ZFP91: variants seen among roughly 807,000 people sequenced by gnomAD.
The protein encoded by ZFP91 is E3 ubiquitin-protein ligase ZFP91.
ZFP91 carries 7 observed loss-of-function variants against 63.5 expected under a neutral mutation model. The ratio of observed to expected loss-of-function variants is 0.11; its 90% confidence interval spans 0.06 to 0.21. ZFP91 has a LOEUF of 0.21. ZFP91 is among the 10% of genes least tolerant of loss of function. ZFP91 has a pLI of 1.00. For missense variants in ZFP91, 628 were observed against 736.6 expected (o/e 0.85, Z 1.71); for synonymous variants, 330 against 272.1 (o/e 1.21, Z -2.10).
rs750256934 is a variant in ZFP91, at chr11:58,579,476, C to G, written c.195C>G (p.Ala65=). Residue 65 remains alanine, a synonymous_variant, in exon 1 of 11, where the codon GCC becomes GCG. Coordinates refer to ENST00000316059, the MANE Select transcript of ZFP91 (RefSeq NM_053023.5). ...DRGRAAAAAA[A]AAVSRRRKAE... is the part of the protein sequence containing the mutation. ...GCCGGGCCGCTGCGGCCGCCGCCGC[C>G]GCAGCTGTGTCCCGCCGGAGGAAGG... 3.3e-5 allele frequency: 49 copies of G among 1,494,900 alleles called. No individual in the cohort carries two copies. The highest frequency in any genetic ancestry group is 9.2e-5 in the Admixed American group (4 of 43,436). The allele number at this position is 1,494,900 out of a possible 1,614,324, so 92.6% of individuals were successfully genotyped here. A position where few individuals can be genotyped will look rare whatever the true frequency, so the allele number is the denominator to read the frequency against.
At chr11:58,613,562 G>A (rs549666506) in intron 8 of ZFP91, among the ~76,000 whole-genome samples, 3 of 152,278 alleles carry the variant, frequency 2.0e-5, no homozygotes, top group Admixed American at 6.5e-5. Context: ...AATTCCCAAT[G>A]TGGTGTAAAT....
chr11:58,593,924 C>T (rs1420306183), intron 2 of ZFP91, among the ~76,000 whole-genome samples: 2 of 152,188 alleles, frequency 1.3e-5, no homozygotes. Context: ...CTAAGTATTT[C>T]TTATATCTCT....
At chr11:58,589,179 C>T (rs1053998432) in intron 2 of ZFP91, among the ~76,000 whole-genome samples, 5 of 150,854 alleles carry the variant, frequency 3.3e-5, no homozygotes, top group Non-Finnish European at 7.4e-5. Context: ...TCAAGCCATC[C>T]TCCTGCCTCA....
intron 2 of ZFP91, among the ~76,000 whole-genome samples, chr11:58,587,281 A>G (rs540541078): frequency 2.0e-5 from 3 of 152,264 alleles, no homozygotes; most frequent in South Asian, 4.1e-4. Flanking sequence ...AGCATCCACT[A>G]TGTGTCTGGC....
intron 2 of ZFP91, among the ~76,000 whole-genome samples, chr11:58,600,117 A>T (rs1310059040): frequency 6.6e-6 from 1 of 152,094 alleles, no homozygotes; most frequent in Admixed American, 6.5e-5. Flanking sequence ...AATTGAGAAG[A>T]AAAAAGTGCG....
chr11:58,613,241 T>G (rs1855695706), intron 8 of ZFP91, among the ~76,000 whole-genome samples: 1 of 152,162 alleles, frequency 6.6e-6, no homozygotes, highest in South Asian at 2.1e-4. Context: ...AAAAGCATGG[T>G]GCCCACATCT....
chr11:58,592,053 C>T (rs909187009), intron 2 of ZFP91, among the ~76,000 whole-genome samples: 3 of 148,554 alleles, frequency 2.0e-5, no homozygotes, highest in African/African-American at 7.4e-5. Flanking sequence ...GATGCTCGAG[C>T]TGGGAATTTG....
chr11:58,582,945 A>T (rs1855144292), intron 1 of ZFP91, among the ~76,000 whole-genome samples: 1 of 152,186 alleles, frequency 6.6e-6, no homozygotes, highest in Non-Finnish European at 1.5e-5. Context: ...TAGTAGGAAA[A>T]ATAAACCAAA....
At chr11:58,597,748 T>A (rs909481102) in intron 2 of ZFP91, among the ~76,000 whole-genome samples, 2 of 152,172 alleles carry the variant, frequency 1.3e-5, no homozygotes, top group African/African-American at 4.8e-5. Flanking sequence ...ACAAATTTCC[T>A]TTTCTTCAAT....
At chr11:58,605,352 A>G (rs569646472) in intron 2 of ZFP91, among the ~76,000 whole-genome samples, 2 of 152,188 alleles carry the variant, frequency 1.3e-5, no homozygotes, top group Non-Finnish European at 2.9e-5. Flanking sequence ...ACAATATCAT[A>G]TTTTTGCCTC....
At chr11:58,614,114 A>G (rs1259389302) in intron 8 of ZFP91, 115 bp from the exon 9 acceptor site, 1 of 570,720 alleles carries the variant, frequency 1.8e-6, no homozygotes, top group South Asian at 2.7e-5. Context: ...CTCACTATCC[A>G]TGTGTGAAAT....
In ZFP91 at chr11:58,612,787, C is replaced by T. The variant is rs1855688198; in HGVS notation, c.934C>T (p.Arg312Cys). The T allele has an allele frequency of 6.2e-7, 1 of 1,611,384 alleles. No individual in the cohort carries two copies. Among genetic ancestry groups the T allele is most frequent in the Non-Finnish European group, 8.5e-7 (1 of 1,179,096 alleles). The change falls in exon 8 of 11, where the codon CGT (arginine) becomes TGT (cysteine). Residue 312 changes from arginine (R) to cysteine (C), a missense_variant. Physicochemically the swap from Arg to Cys is radical, Grantham distance 180. Transcript: ENST00000316059. ...AAAAAAGCCTCCAATCCAGTATGTC[C>T]GTTGTGAGATGGAAGGATGTGGAAC... is the stretch of plus-strand genomic sequence containing the variant. ...RRKKPPIQYV[R>C]CEMEGCGTVL...
intron 2 of ZFP91, among the ~76,000 whole-genome samples, chr11:58,595,099 C>T (rs963019117): frequency 6.6e-6 from 1 of 152,106 alleles, no homozygotes; most frequent in Non-Finnish European, 1.5e-5. Flanking sequence ...CTTAGATATA[C>T]CCGTGTTCAG....
intron 2 of ZFP91, among the ~76,000 whole-genome samples, chr11:58,608,207 C>CATATATATATAT (rs1380879869): frequency 6.6e-6 from 1 of 151,430 alleles, no homozygotes; most frequent in Non-Finnish European, 1.5e-5. Flanking sequence ...ATATATCTTA[C>CATATATATATAT]ATATATATCT....
intron 10 of ZFP91, 97 bp downstream of exon 10, chr11:58,616,912 T>A: frequency 8.7e-7 from 1 of 1,154,110 alleles, no homozygotes; most frequent in Non-Finnish European, 1.3e-6. Flanking sequence ...CACTGCTGTT[T>A]ACTTTCATCA....
intron 2 of ZFP91, among the ~76,000 whole-genome samples, chr11:58,587,450 A>G (rs1590611136): frequency 6.6e-6 from 1 of 152,318 alleles, no homozygotes. Flanking sequence ...ACACCTGAAT[A>G]TGCAGATAGT....
At chr11:58,608,965 G>T (rs1323115872) in intron 2 of ZFP91, among the ~76,000 whole-genome samples, 1 of 152,134 alleles carries the variant, frequency 6.6e-6, no homozygotes, top group East Asian at 1.9e-4. Context: ...TTGCCATGAG[G>T]AAAATTGTTT....
At chr11:58,611,205 C>T (rs767005374) in intron 5 of ZFP91, 151 bp downstream of exon 5, 36 of 584,734 alleles carry the variant, frequency 6.2e-5, no homozygotes, top group Non-Finnish European at 9.2e-5. Context: ...AAGTCTAACA[C>T]CTTAATATAC....
At chr11:58,599,500 C>T (rs1391361785) in intron 2 of ZFP91, among the ~76,000 whole-genome samples, 7 of 152,002 alleles carry the variant, frequency 4.6e-5, no homozygotes, top group Non-Finnish European at 7.4e-5. Flanking sequence ...ACCAACACTT[C>T]TTATTTTCTT....
Sources: allele counts gnomAD v4.1 joint callset (sites outside exome capture counted in the v4.1 genomes callset), GRCh38; gene constraint gnomAD v4.1.1; transcripts MANE v1.5; gene names NCBI Gene and HGNC (gene_info 2026-07-23, HGNC 2026-07-21).